The following BEND5 variants were observed in gnomAD, a reference collection of about 807,000 sequenced individuals.
BEND5 encodes the protein BEN domain containing 5, also known as BEN domain-containing protein 5.
In BEND5, 22 loss-of-function variants were observed where a neutral mutation model predicts 43.9. The ratio of observed to expected loss-of-function variants is 0.50; its 90% CI spans 0.36 to 0.72. The LOEUF (loss-of-function observed/expected upper bound fraction) is 0.72. Ranked by LOEUF, BEND5 falls within the 30% of genes least tolerant of loss-of-function variation. The pLI, the probability that BEND5 is intolerant of heterozygous loss-of-function variation, is 0.00. For missense variants in BEND5, 428 were observed against 550.6 expected, an observed-to-expected ratio of 0.78 and a Z score of 2.23; for synonymous variants, 228 against 225.9, an observed-to-expected ratio of 1.01 and a Z score of -0.08.
At chr1:48,740,212 G>A (rs1169871959) in intron 4 of BEND5, among the ~76,000 whole-genome samples, 3 of 152,224 alleles carry the variant, frequency 2.0e-5, no homozygotes, top group Non-Finnish European at 4.4e-5. Context: ...CGGGGCATTT[G>A]AGACAAGGGC....
chr1:48,745,361 G>C (rs1163817010), intron 3 of BEND5, among the ~76,000 whole-genome samples: 2 of 152,152 alleles, frequency 1.3e-5, no homozygotes, highest in African/African-American at 2.4e-5. Context: ...GAAGCATCTA[G>C]TTAGAATGGA....
chr1:48,753,179 T>C (rs757973038), intron 3 of BEND5, among the ~76,000 whole-genome samples: 1 of 152,224 alleles, frequency 6.6e-6, no homozygotes, highest in African/African-American at 2.4e-5. Context: ...GAGCTGGGGT[T>C]GAAAACCTCA....
intron 3 of BEND5, among the ~76,000 whole-genome samples, chr1:48,753,931 G>C (rs1277792259): frequency 6.6e-6 from 1 of 152,110 alleles, no homozygotes; most frequent in African/African-American, 2.4e-5. Context: ...CCTCCCTCCT[G>C]CAATTAGAGC....
chr1:48,764,038 A>G (rs958716007), intron 1 of BEND5, among the ~76,000 whole-genome samples: 40 of 152,344 alleles, frequency 2.6e-4, no homozygotes, highest in African/African-American at 9.4e-4. Context: ...TGTAGGATCT[A>G]AACTGGCCCG....
intron 1 of BEND5, among the ~76,000 whole-genome samples, chr1:48,765,184 C>A (rs1644470276): frequency 6.6e-6 from 1 of 152,190 alleles, no homozygotes; most frequent in South Asian, 2.1e-4. Flanking sequence ...AGATCTTATC[C>A]ACTGGCGTAT....
At chr1:48,770,168 G>A (rs1006162238) in intron 1 of BEND5, among the ~76,000 whole-genome samples, 1 of 152,202 alleles carries the variant, frequency 6.6e-6, no homozygotes, top group African/African-American at 2.4e-5. Flanking sequence ...GAGCAAGGCT[G>A]ATCCTTCCTC....
rs1426450478 is a variant in BEND5 at position 48,736,826 on chromosome 1, CAGA to C, written c.895-377_895-375del. Among the ~76,000 whole-genome samples the C allele has an allele frequency of 1.3e-5, 2 of 152,180 alleles. No homozygotes were observed. The highest frequency in any genetic ancestry group is 2.9e-5 in the Non-Finnish European group (2 of 68,030). The stretch of plus-strand genomic sequence containing the variant: ...ATACTTAGTTTATCACAAGGCTGCT[CAGA>C]GCCTTACCAAATCTCAGGACACCCA... On this transcript the variant is annotated intron_variant, in intron 4 of 5. Coordinates refer to ENST00000371833, the MANE Select transcript of BEND5 (RefSeq NM_024603.4). The surrounding 1 kb of genome is among the most constrained non-coding windows in gnomAD (Gnocchi z 4.0).
chr1:48,776,570 C>T (rs1570642525), intron 1 of BEND5, 36 bp downstream of exon 1: 2 of 1,365,768 alleles, frequency 1.5e-6, no homozygotes, highest in Non-Finnish European at 1.9e-6. Flanking sequence ...CAGCCCCCGC[C>T]CGGGTCCCAC....
At chr1:48,754,252 C>T (rs1652185003) in intron 3 of BEND5, among the ~76,000 whole-genome samples, 1 of 152,144 alleles carries the variant, frequency 6.6e-6, no homozygotes, top group Non-Finnish European at 1.5e-5. Flanking sequence ...TGGGGGCTTA[C>T]CCTCCCCCAA....
chr1:48,764,255 G>C (rs1489667478), intron 1 of BEND5, among the ~76,000 whole-genome samples: 1 of 152,224 alleles, frequency 6.6e-6, no homozygotes, highest in African/African-American at 2.4e-5. Context: ...CTTGCTAGGT[G>C]ATCTTGAGTA....
In BEND5 at chr1:48,776,841, C is replaced by T. The variant is rs1557984271; in HGVS notation, c.-10G>A. ...GCACAAAGGCGTACATGGTGGGCGCCGGGGGCGGGCCCCGGTCGGGCAGCT... is the reference window on the plus strand; with the variant it reads ...GCACAAAGGCGTACATGGTGGGCGCTGGGGGCGGGCCCCGGTCGGGCAGCT... On this transcript the variant is annotated 5_prime_UTR_variant, in exon 1 of 6. Coordinates refer to ENST00000371833, the MANE Select transcript of BEND5 (RefSeq NM_024603.4). 3.6e-6 allele frequency: 5 copies of T among 1,397,354 alleles called. No homozygotes were observed. The highest frequency in any genetic ancestry group is 3.8e-5 in the East Asian group (1 of 26,150). 86.6% of individuals were successfully genotyped at this position (1,397,354 alleles called of 1,614,324 possible). A position where few individuals can be genotyped will look rare whatever the true frequency, so the allele number is the denominator to read the frequency against.
At chr1:48,772,571 G>T (rs944717169) in intron 1 of BEND5, among the ~76,000 whole-genome samples, 3 of 152,152 alleles carry the variant, frequency 2.0e-5, no homozygotes, top group Non-Finnish European at 2.9e-5. Context: ...AGGTGGGGCT[G>T]GGATAGAGCT....
chr1:48,733,167 G>C (rs1648429115), intron 5 of BEND5, among the ~76,000 whole-genome samples: 1 of 152,176 alleles, frequency 6.6e-6, no homozygotes, highest in African/African-American at 2.4e-5. Flanking sequence ...GGGTGACAGA[G>C]TGCCCTTTAA....
chr1:48,751,496 T>C (rs1651724591), intron 3 of BEND5, among the ~76,000 whole-genome samples: 1 of 152,228 alleles, frequency 6.6e-6, no homozygotes, highest in Admixed American at 6.5e-5. Flanking sequence ...TCAGGCAAGT[T>C]ACCTAATCTC....
intron 5 of BEND5, among the ~76,000 whole-genome samples, chr1:48,729,474 A>G (rs1015269461): frequency 2.0e-5 from 3 of 152,204 alleles, no homozygotes; most frequent in Non-Finnish European, 4.4e-5. Context: ...ATTGCTATGG[A>G]GAACAAGCAA....
chr1:48,776,582 G>C, intron 1 of BEND5, 24 bp downstream of exon 1: 4 of 816,594 alleles, frequency 4.9e-6, no homozygotes, highest in Non-Finnish European at 6.5e-6. Context: ...GGGTCCCACC[G>C]TCCCTCCCCG....
intron 3 of BEND5, among the ~76,000 whole-genome samples, chr1:48,750,762 T>C (rs1651595855): frequency 1.3e-5 from 2 of 152,328 alleles, no homozygotes; most frequent in African/African-American, 4.8e-5. Context: ...TTCTTGTCTC[T>C]AGTGGAATGT....
intron 3 of BEND5, among the ~76,000 whole-genome samples, chr1:48,750,728 T>C (rs996896690): frequency 6.6e-6 from 1 of 152,242 alleles, no homozygotes; most frequent in Non-Finnish European, 1.5e-5. Flanking sequence ...TGAGATAGGC[T>C]GCACTGGAAG....
At chr1:48,761,103 CTG>C (rs1172588363) in intron 2 of BEND5, 3 of 478,874 alleles carry the variant, frequency 6.3e-6, no homozygotes, top group African/African-American at 5.8e-5. Context: ...ACTGCACAGA[CTG>C]TGCAAACAGG....
Sources: allele counts gnomAD v4.1 joint callset (sites outside exome capture counted in the v4.1 genomes callset), GRCh38; gene constraint gnomAD v4.1.1; non-coding constraint Gnocchi (gnomAD v3.1); transcripts MANE v1.5; gene names NCBI Gene and HGNC (gene_info 2026-07-23, HGNC 2026-07-21).